PCDH9: variants seen among roughly 807,000 people sequenced by gnomAD.
The protein encoded by PCDH9 is protocadherin 9, also known as protocadherin-9.
In PCDH9, 24 loss-of-function variants were observed where a neutral mutation model predicts 70.6. The ratio of observed to expected loss-of-function variants is 0.34; its 90% confidence interval spans 0.25 to 0.48. PCDH9 has a LOEUF of 0.48. Among genes scored for constraint, PCDH9 ranks in the 20% least tolerant of loss-of-function variants. PCDH9 has a pLI of 0.99. For missense variants in PCDH9, 1,281 were observed against 1,503.6 expected, an observed-to-expected ratio of 0.85 and a Z score of 2.45; for synonymous variants, 562 against 558.5, an observed-to-expected ratio of 1.01 and a Z score of -0.09.
intron 3 of PCDH9, among the ~76,000 whole-genome samples, chr13:66,861,990 A>C (rs1169542479): frequency 6.6e-6 from 1 of 152,188 alleles, no homozygotes; most frequent in Non-Finnish European, 1.5e-5. Flanking sequence ...CAAAAGTGAG[A>C]ACAAAATGAG....
chr13:66,984,676 T>C (rs185674450), intron 2 of PCDH9, among the ~76,000 whole-genome samples: 30 of 152,302 alleles, frequency 2.0e-4, no homozygotes, highest in Admixed American at 3.9e-4. Flanking sequence ...AAAATCTATC[T>C]ACATATGATG....
chr13:66,821,516 G>A (rs2080711641), intron 3 of PCDH9, among the ~76,000 whole-genome samples: 1 of 152,090 alleles, frequency 6.6e-6, no homozygotes, highest in Admixed American at 6.6e-5. Flanking sequence ...CAAGTACTTA[G>A]TCAGTATTCA....
Position 66,998,516 on chromosome 13 carries a change from T to A in PCDH9, c.3037-94911A>T, listed in dbSNP as rs911502543. On this transcript the variant is annotated intron_variant, in intron 2 of 4. Transcript: ENST00000377865. ...CACTCAGATCAATATATTCCCAAATTAAACCTATACATCTCCCTTACTTCT... is the reference window on the plus strand; with the variant it reads ...CACTCAGATCAATATATTCCCAAATAAAACCTATACATCTCCCTTACTTCT... Among the ~76,000 whole-genome samples the A allele has an allele frequency of 3.3e-5, 5 of 152,202 alleles. No individual in the cohort carries two copies. In the East Asian group the frequency reaches 9.6e-4, roughly 29 times the overall value.
intron 3 of PCDH9, among the ~76,000 whole-genome samples, chr13:66,779,843 C>CTATATA (rs1234220065): frequency 0.066 from 2,004 of 30,284 alleles, 17 homozygotes; most frequent in South Asian, 0.15. Context: ...CTCTCTCTCT[C>CTATATA]TCTCTCTATA....
At position 67,228,521 on chromosome 13, in the gene PCDH9, A is replaced by AGCGT; in HGVS notation, c.-85_-82dup. On this transcript the variant is annotated 5_prime_UTR_variant, in exon 2 of 5. The change abolishes the stop of an existing upstream ORF in the 5' untranslated region. Coordinates refer to ENST00000377865, the MANE Select transcript of PCDH9 (RefSeq NM_203487.3). ...GAATGATGCACAAATTGCAAGAGGA[A>AGCGT]GCGTGCATGGACTGGAGGATGCATT... 8.4e-7 allele frequency: 1 copy of AGCGT among 1,191,654 alleles called. No homozygotes were observed. Among genetic ancestry groups the AGCGT allele is most frequent in the Non-Finnish European group, 1.2e-6 (1 of 852,292 alleles). 73.8% of individuals were successfully genotyped at this position (1,191,654 alleles called of 1,614,324 possible).
intron 2 of PCDH9, among the ~76,000 whole-genome samples, chr13:67,048,927 C>G (rs892701496): frequency 4.6e-5 from 7 of 152,194 alleles, no homozygotes; most frequent in Non-Finnish European, 7.3e-5. Context: ...TGCTGGAAGA[C>G]ATTACAACAC....
At chr13:67,060,840 T>C (rs972474476) in intron 2 of PCDH9, among the ~76,000 whole-genome samples, 9 of 152,242 alleles carry the variant, frequency 5.9e-5, no homozygotes, top group African/African-American at 2.2e-4. Flanking sequence ...TAGGAATATA[T>C]GAAGCTTCTA....
At chr13:66,716,589 C>T (rs1407558388) in intron 3 of PCDH9, among the ~76,000 whole-genome samples, 1 of 152,106 alleles carries the variant, frequency 6.6e-6, no homozygotes, top group Non-Finnish European at 1.5e-5. Context: ...ACATTATAGG[C>T]AGTTTTGCTG....
At chr13:66,851,822 G>C (rs1320580181) in intron 3 of PCDH9, among the ~76,000 whole-genome samples, 1 of 152,090 alleles carries the variant, frequency 6.6e-6, no homozygotes, top group East Asian at 1.9e-4. Flanking sequence ...AAATACTGTG[G>C]ACTAGGTGGC....
intron 2 of PCDH9, among the ~76,000 whole-genome samples, chr13:67,138,620 T>C (rs1032859528): frequency 8.5e-5 from 13 of 152,212 alleles, no homozygotes; most frequent in Non-Finnish European, 2.9e-5. Context: ...TAGGGGGTAT[T>C]TAAACTCCCA....
At chr13:66,968,991 G>A (rs1318653339) in intron 2 of PCDH9, among the ~76,000 whole-genome samples, 2 of 151,994 alleles carry the variant, frequency 1.3e-5, no homozygotes, top group African/African-American at 2.4e-5. Context: ...AAGTATCACT[G>A]GAACCCTTTA....
intron 4 of PCDH9, among the ~76,000 whole-genome samples, chr13:66,557,316 ATTCAAATAGAGATCT>A (rs1961779096): frequency 6.6e-6 from 1 of 152,196 alleles, no homozygotes; most frequent in Non-Finnish European, 1.5e-5. Flanking sequence ...TTCTTGATTA[ATTCAAATAGAGATCT>A]TTGTGAATAT....
At chr13:67,170,009 CT>C (rs2088235224) in intron 2 of PCDH9, among the ~76,000 whole-genome samples, 1 of 152,104 alleles carries the variant, frequency 6.6e-6, no homozygotes, top group Admixed American at 6.5e-5. Context: ...TCTCCTCCTC[CT>C]TTTTTTATAT....
At chr13:66,451,022 CA>C in intron 4 of PCDH9, among the ~76,000 whole-genome samples, 1 of 151,866 alleles carries the variant, frequency 6.6e-6, no homozygotes, top group East Asian at 1.9e-4. Context: ...GTCTCAAAAA[CA>C]AAAAAGGGAT....
At chr13:66,960,886 T>C (rs1037046686) in intron 2 of PCDH9, among the ~76,000 whole-genome samples, 2 of 152,160 alleles carry the variant, frequency 1.3e-5, no homozygotes, top group African/African-American at 4.8e-5. Flanking sequence ...TTTGTTTCTA[T>C]TGAAGGTTAA....
At chr13:66,728,992 C>A (rs541376971) in intron 3 of PCDH9, among the ~76,000 whole-genome samples, 25 of 151,838 alleles carry the variant, frequency 1.6e-4, no homozygotes, top group Non-Finnish European at 3.2e-4. Flanking sequence ...CATAAATTAT[C>A]ATTTATTCCC....
chr13:67,072,011 A>G (rs2085776547), intron 2 of PCDH9, among the ~76,000 whole-genome samples: 1 of 152,148 alleles, frequency 6.6e-6, no homozygotes, highest in African/African-American at 2.4e-5. Flanking sequence ...AACGTTTGAT[A>G]ACTGAAAGCT....
At chr13:67,000,947 C>A (rs963390184) in intron 2 of PCDH9, among the ~76,000 whole-genome samples, 45 of 152,202 alleles carry the variant, frequency 3.0e-4, no homozygotes, top group African/African-American at 1.1e-3. Context: ...TTTTGACTTG[C>A]ATTTATCAAA....
chr13:67,092,113 T>A (rs1156759569), intron 2 of PCDH9, among the ~76,000 whole-genome samples: 1 of 152,210 alleles, frequency 6.6e-6, no homozygotes, highest in Non-Finnish European at 1.5e-5. Flanking sequence ...TTAAATTAAC[T>A]TATTTTCATT....
Sources: allele counts gnomAD v4.1 joint callset (sites outside exome capture counted in the v4.1 genomes callset), GRCh38; gene constraint gnomAD v4.1.1; transcripts MANE v1.5; gene names NCBI Gene and HGNC (gene_info 2026-07-23, HGNC 2026-07-21).